TLL1: variants seen among roughly 807,000 people sequenced by gnomAD.
TLL1 encodes the protein tolloid like 1.
TLL1 carries 49 observed loss-of-function variants against 128.2 expected under a neutral mutation model. The observed-to-expected ratio is 0.38, with a 90% confidence interval of 0.30 to 0.48. The LOEUF (loss-of-function observed/expected upper bound fraction) is 0.48, where lower values mean the gene tolerates loss of function less well. Ranked by LOEUF, TLL1 falls within the 20% of genes least tolerant of loss-of-function variation. TLL1 has a pLI of 0.96. For missense variants in TLL1, 1,123 were observed against 1,242.0 expected (o/e 0.90, Z 1.44); for synonymous variants, 454 against 418.8 (o/e 1.08, Z -1.03).
chr4:165,877,972 A>G (rs1290093253), intron 1 of TLL1, among the ~76,000 whole-genome samples: 1 of 151,240 alleles, frequency 6.6e-6, no homozygotes, highest in Non-Finnish European at 1.5e-5. Flanking sequence ...CACCTGACAA[A>G]AGACTTTCTA....
At chr4:166,024,842 A>G (rs570280431) in intron 8 of TLL1, among the ~76,000 whole-genome samples, 2 of 152,174 alleles carry the variant, frequency 1.3e-5, no homozygotes, top group South Asian at 4.1e-4. Context: ...TCACATTTTG[A>G]TATTACCTTT....
intron 7 of TLL1, among the ~76,000 whole-genome samples, chr4:166,009,596 CTA>C (rs896590704): frequency 2.0e-4 from 31 of 151,398 alleles, no homozygotes; most frequent in African/African-American, 7.5e-4. Context: ...CAAAACCATC[CTA>C]TGCATTTTTC....
At chr4:165,877,156 T>C (rs1730756763) in intron 1 of TLL1, among the ~76,000 whole-genome samples, 1 of 152,236 alleles carries the variant, frequency 6.6e-6, no homozygotes, top group African/African-American at 2.4e-5. Flanking sequence ...TACAATTTGT[T>C]TACCTATCAG....
intron 1 of TLL1, among the ~76,000 whole-genome samples, chr4:165,959,862 A>G (rs1315239420): frequency 6.6e-6 from 1 of 152,184 alleles, no homozygotes; most frequent in African/African-American, 2.4e-5. Context: ...GAAAGCTTAT[A>G]GTACTAAACA....
intron 1 of TLL1, among the ~76,000 whole-genome samples, chr4:165,936,812 A>C (rs538700443): frequency 6.6e-6 from 1 of 152,242 alleles, no homozygotes; most frequent in South Asian, 2.1e-4. Flanking sequence ...AGGCGCCTGT[A>C]ATCCCAGCTA....
chr4:166,019,444 A>G (rs1311706884), intron 8 of TLL1, among the ~76,000 whole-genome samples: 1 of 152,202 alleles, frequency 6.6e-6, no homozygotes, highest in African/African-American at 2.4e-5. Flanking sequence ...TTAAAAAATA[A>G]AAGAAATGCT....
chr4:165,873,673 C>G lies in TLL1; in HGVS notation c.-232C>G, dbSNP rs904538029. The G allele has an allele frequency of 9.5e-6, 5 of 524,322 alleles. No individual in the cohort carries two copies. The highest frequency in any genetic ancestry group is 1.7e-5 in the Non-Finnish European group (5 of 292,390). The allele number at this position is 524,322 out of a possible 1,614,324, so 32.5% of individuals were successfully genotyped here. On this transcript the variant is annotated 5_prime_UTR_variant, in exon 1 of 21. Coordinates refer to ENST00000061240, the MANE Select transcript of TLL1 (RefSeq NM_012464.5). ...GAGTTCCTTACCTGCCCTCCGCCCA[C>G]CCGTGGGCCCCTAGCCAACTTCTCC... is the stretch of plus-strand genomic sequence containing the variant.
At chr4:165,939,019 T>TA (rs149312610) in intron 1 of TLL1, among the ~76,000 whole-genome samples, 5,432 of 151,922 alleles carry the variant, frequency 0.036, 288 homozygotes, top group African/African-American at 0.12. Context: ...CTTTTTTTTT[T>TA]AAAGTTGAAT....
At chr4:165,874,383 C>T (rs1730630740) in intron 1 of TLL1, among the ~76,000 whole-genome samples, 1 of 152,186 alleles carries the variant, frequency 6.6e-6, no homozygotes, top group South Asian at 2.1e-4. Context: ...GTAAATATAG[C>T]TTGCTGCTGT....
At position 166,091,218 on chromosome 4, in the gene TLL1, C is replaced by A. The variant is rs1741761388; in HGVS notation, c.2533C>A (p.Leu845Ile). ...TGGAGAAACAGAAAAGTCACCGATTCTTGGACGACTGTGTGGCAACAAGAT... is the reference window on the plus strand; with the variant it reads ...TGGAGAAACAGAAAAGTCACCGATTATTGGACGACTGTGTGGCAACAAGAT... ...FDGETEKSPILGRLCGNKIPD... is the reference protein window; with the variant it reads ...FDGETEKSPIIGRLCGNKIPD... The change falls in exon 19 of 21, where the codon CTT becomes ATT. Residue 845 changes from leucine (L) to isoleucine (I), a missense_variant. Leu to Ile is a conservative substitution (Grantham distance 5, BLOSUM62 2). Transcript: ENST00000061240. 6.2e-7 allele frequency: 1 copy of A among 1,613,262 alleles called. No homozygotes were observed. Among genetic ancestry groups the A allele is most frequent in the Non-Finnish European group, 8.5e-7 (1 of 1,179,520 alleles).
chr4:165,905,823 A>T (rs1732223455), intron 1 of TLL1, among the ~76,000 whole-genome samples: 1 of 152,138 alleles, frequency 6.6e-6, no homozygotes, highest in Non-Finnish European at 1.5e-5. Flanking sequence ...AAACATTAGG[A>T]TTCCTAATCT....
intron 1 of TLL1, among the ~76,000 whole-genome samples, chr4:165,918,403 C>A (rs116446921): frequency 0.027 from 4,035 of 152,112 alleles, 198 homozygotes; most frequent in African/African-American, 0.093. Context: ...ACACTTGCTG[C>A]ACGTTAAAAT....
At chr4:166,093,095 G>T (rs1741850681) in intron 19 of TLL1, among the ~76,000 whole-genome samples, 1 of 152,108 alleles carries the variant, frequency 6.6e-6, no homozygotes, top group South Asian at 2.1e-4. Flanking sequence ...ACACCTGTGG[G>T]TATTTCTCAT....
At chr4:166,071,603 T>C (rs924561345) in intron 16 of TLL1, among the ~76,000 whole-genome samples, 2 of 152,022 alleles carry the variant, frequency 1.3e-5, no homozygotes, top group Admixed American at 6.6e-5. Flanking sequence ...GCAGACATTA[T>C]GACAAATGTT....
intron 1 of TLL1, among the ~76,000 whole-genome samples, chr4:165,927,260 C>T (rs1199881356): frequency 6.6e-6 from 1 of 152,074 alleles, no homozygotes; most frequent in African/African-American, 2.4e-5. Context: ...TTTCCGTAGG[C>T]GATGTTGTGT....
At position 166,077,182 on chromosome 4, in the gene TLL1, A is replaced by G. The variant is rs6828292; in HGVS notation, c.2315-721A>G. Among the ~76,000 whole-genome samples, 692 of 152,124 alleles carry G rather than the reference A, an allele frequency of 4.5e-3. 6 individuals are homozygous for G. Among genetic ancestry groups the G allele is most frequent in the African/African-American group, 0.016 (662 of 41,482 alleles). The stretch of plus-strand genomic sequence containing the variant: ...ATATTAAATGTTTTTGAAATTTAAC[A>G]TTAACCATGTGGAATGATCTTGTCT... On this transcript the variant is annotated intron_variant, in intron 17 of 20. Coordinates refer to ENST00000061240, the MANE Select transcript of TLL1 (RefSeq NM_012464.5).
intron 14 of TLL1, among the ~76,000 whole-genome samples, chr4:166,057,815 C>T (rs1226145220): frequency 2.6e-5 from 4 of 152,072 alleles, no homozygotes; most frequent in Non-Finnish European, 5.9e-5. Context: ...ATCGTGAGAA[C>T]AGCATGGAAA....
chr4:165,944,781 G>T (rs999978091), intron 1 of TLL1, among the ~76,000 whole-genome samples: 1 of 152,044 alleles, frequency 6.6e-6, no homozygotes, highest in African/African-American at 2.4e-5. Flanking sequence ...AAATCTGTGA[G>T]ATTTCTGCAG....
intron 1 of TLL1, among the ~76,000 whole-genome samples, chr4:165,980,596 C>T (rs1736111102): frequency 6.6e-6 from 1 of 151,994 alleles, no homozygotes; most frequent in Non-Finnish European, 1.5e-5. Context: ...AAACTAGACA[C>T]CTTGTGAGCA....
Sources: allele counts gnomAD v4.1 joint callset (sites outside exome capture counted in the v4.1 genomes callset), GRCh38; gene constraint gnomAD v4.1.1; transcripts MANE v1.5; gene names NCBI Gene and HGNC (gene_info 2026-07-23, HGNC 2026-07-21).